ZNF280D: variants seen among roughly 807,000 people sequenced by gnomAD.
ZNF280D encodes the protein zinc finger protein 280D, also known as suppressor of hairy wing homolog 4.
Under a neutral mutation model 94.7 loss-of-function variants are expected in ZNF280D, and 39 were observed. That is an observed-to-expected ratio of 0.41 (90% CI 0.32 to 0.54). ZNF280D has a LOEUF of 0.54. ZNF280D is among the 20% of genes least tolerant of loss of function. The pLI is 0.22. For missense variants in ZNF280D, 1,090 were observed against 1,149.3 expected (o/e 0.95, Z 0.75); for synonymous variants, 398 against 377.6 (o/e 1.05, Z -0.63).
Position 56,654,221 on chromosome 15 carries a change from G to C in ZNF280D, c.2190C>G (p.Ile730Met), listed in dbSNP as rs765723148. ...QVVMQKVSVC[I>M]PTSEHLSELK... is the part of the protein sequence containing the mutation. ...ACTCAGAAAGGTGCTCAGAAGTTGG[G>C]ATACAAACAGAAACTGAAATTAGAA... Residue 730 changes from isoleucine (I) to methionine (M), a missense_variant, in exon 19 of 22, where the codon ATC becomes ATG. Physicochemically the swap from Ile to Met is conservative, Grantham distance 10. Transcript: ENST00000267807. 10 of 1,610,508 alleles carry C rather than the reference G, an allele frequency of 6.2e-6. No homozygotes were observed. Among genetic ancestry groups the C allele is most frequent in the Non-Finnish European group, 7.6e-6 (9 of 1,178,994 alleles).
At chr15:56,719,747 C>T (rs2058245789) in intron 1 of ZNF280D, among the ~76,000 whole-genome samples, 1 of 151,910 alleles carries the variant, frequency 6.6e-6, no homozygotes, top group Non-Finnish European at 1.5e-5. Context: ...GTGAATATTG[C>T]AATAAAGCAA....
chr15:56,709,800 T>C (rs535775251), intron 1 of ZNF280D, among the ~76,000 whole-genome samples: 2 of 152,130 alleles, frequency 1.3e-5, no homozygotes, highest in African/African-American at 4.8e-5. Flanking sequence ...TAGATGGGAA[T>C]TGAACAATGA....
intron 17 of ZNF280D, 111 bp from the exon 18 acceptor site, chr15:56,654,614 TC>T: frequency 1.1e-6 from 1 of 932,176 alleles, no homozygotes; most frequent in Non-Finnish European, 1.6e-6. Flanking sequence ...AACTATAACT[TC>T]CCATTTTTGT....
rs1439433375 is a variant in ZNF280D at position 56,676,682 on chromosome 15, A to G, written c.1398T>C (p.Tyr466=). The G allele has an allele frequency of 1.2e-6, 2 of 1,606,392 alleles. No homozygotes were observed. Among genetic ancestry groups the G allele is most frequent in the Middle Eastern group, 1.7e-4 (1 of 6,006 alleles). ...IKIATPYMHH[Y]MKHQKKGIHR... ...TGGTAAATCTCACCTGATGCTTCATATAATGATGCATATATGGTGTTGCAA... is the reference window on the plus strand; with the variant it reads ...TGGTAAATCTCACCTGATGCTTCATGTAATGATGCATATATGGTGTTGCAA... Residue 466 remains tyrosine, a synonymous_variant, in exon 13 of 22, where the codon TAT becomes TAC. Transcript: ENST00000267807.
intron 1 of ZNF280D, among the ~76,000 whole-genome samples, chr15:56,708,106 C>G (rs1005471047): frequency 6.6e-6 from 1 of 152,008 alleles, no homozygotes; most frequent in Non-Finnish European, 1.5e-5. Context: ...ATCTAAAACA[C>G]TGGAATATAT....
At chr15:56,721,428 A>G (rs1318615670) in intron 1 of ZNF280D, among the ~76,000 whole-genome samples, 1 of 152,210 alleles carries the variant, frequency 6.6e-6, no homozygotes, top group Non-Finnish European at 1.5e-5. Flanking sequence ...CTAGCTATGA[A>G]AGTCCTAGAT....
At chr15:56,730,749 T>A (rs1028452609) in intron 1 of ZNF280D, 5 of 152,270 alleles carry the variant, frequency 3.3e-5, no homozygotes, top group Admixed American at 2.6e-4. Context: ...TAGTATTTCC[T>A]CCAGAATTGT....
intron 20 of ZNF280D, among the ~76,000 whole-genome samples, chr15:56,642,332 A>G (rs1319970451): frequency 6.6e-6 from 1 of 151,768 alleles, no homozygotes; most frequent in Non-Finnish European, 1.5e-5. Flanking sequence ...CAAAGTATTC[A>G]AAAGATAAAT....
chr15:56,732,162 T>C (rs1371954208), intron 1 of ZNF280D, among the ~76,000 whole-genome samples: 2 of 152,188 alleles, frequency 1.3e-5, no homozygotes, highest in African/African-American at 4.8e-5. Context: ...TAAGGTTCTA[T>C]TAATATAATT....
At chr15:56,700,584 T>C (rs2057003277) in intron 6 of ZNF280D, 3 of 1,138,962 alleles carry the variant, frequency 2.6e-6, no homozygotes, top group Non-Finnish European at 3.2e-6. Flanking sequence ...GTCACTTGAC[T>C]GTTTTCCCAA....
chr15:56,679,058 TCAA>T (rs2055439729), intron 10 of ZNF280D, among the ~76,000 whole-genome samples: 1 of 152,194 alleles, frequency 6.6e-6, no homozygotes, highest in Non-Finnish European at 1.5e-5. Context: ...ATCTGAAAGA[TCAA>T]CAATTTGATA....
chr15:56,682,486 G>GAAAAAAA lies in ZNF280D; in HGVS notation c.781-16_781-10dup, dbSNP rs760502258. The GAAAAAAA allele has an allele frequency of 1.3e-4, 64 of 506,922 alleles. No individual in the cohort carries two copies. Among genetic ancestry groups the GAAAAAAA allele is most frequent in the South Asian group, 4.8e-4 (12 of 24,780 alleles). 31.4% of individuals were successfully genotyped at this position (506,922 alleles called of 1,614,324 possible). On this transcript the variant is annotated splice_polypyrimidine_tract_variant and intron_variant, in intron 9 of 21. Transcript: ENST00000267807. ...ATGTCTGGACAACAATACTGAAAGA[G>GAAAAAAA]AAAAAAAAAAAAAAAAAACAAGCCT...
At chr15:56,670,067 C>CATATAT (rs201081844) in intron 13 of ZNF280D, among the ~76,000 whole-genome samples, 9 of 42,844 alleles carry the variant, frequency 2.1e-4, no homozygotes, top group Non-Finnish European at 3.8e-4. Flanking sequence ...TGTTGTTTTA[C>CATATAT]ATATATATAT....
chr15:56,676,903 G>A (rs753964255), intron 12 of ZNF280D, 87 bp from the exon 13 acceptor site: 45 of 1,070,510 alleles, frequency 4.2e-5, no homozygotes, highest in Non-Finnish European at 5.9e-5. Flanking sequence ...AATTTGTCAG[G>A]AGAACATTAT....
chr15:56,645,558 T>C (rs1296860599), intron 19 of ZNF280D, among the ~76,000 whole-genome samples: 1 of 152,148 alleles, frequency 6.6e-6, no homozygotes, highest in African/African-American at 2.4e-5. Flanking sequence ...TTTTGTTTTG[T>C]TTTTGCAGAC....
In ZNF280D at chr15:56,666,731, A is replaced by G; in HGVS notation, c.1801T>C (p.Leu601=). The G allele has an allele frequency of 1.2e-6, 2 of 1,613,220 alleles. No homozygotes were observed. Among genetic ancestry groups the G allele is most frequent in the Middle Eastern group, 1.7e-4 (1 of 6,050 alleles). Residue 601 remains leucine (L), a synonymous_variant, in exon 15 of 22, where the codon TTG becomes CTG. Transcript: ENST00000267807. ...ISNMQKKQST[L]ASSNKKSKVN... ...TTACTTTTTTTATTGCTACTAGCCA[A>G]TGTGCTTTGTTTCTTTTGCATATTA...
At chr15:56,726,421 AAAG>A (rs2058633824) in intron 1 of ZNF280D, among the ~76,000 whole-genome samples, 1 of 152,186 alleles carries the variant, frequency 6.6e-6, no homozygotes, top group Non-Finnish European at 1.5e-5. Flanking sequence ...ATCTTTAAAC[AAAG>A]AAGGGAAAAT....
intron 1 of ZNF280D, among the ~76,000 whole-genome samples, chr15:56,723,235 AAAAT>A (rs146277651): frequency 3.4e-4 from 51 of 150,812 alleles, no homozygotes; most frequent in South Asian, 1.0e-3. Context: ...TAATAATAAA[AAAAT>A]AAATAAATAA....
At chr15:56,724,968 C>T in intron 1 of ZNF280D, 1 of 412,350 alleles carries the variant, frequency 2.4e-6, no homozygotes, top group Non-Finnish European at 4.8e-6. Context: ...TCCTGTATAG[C>T]TGAGAGTCAG....
Sources: allele counts gnomAD v4.1 joint callset (sites outside exome capture counted in the v4.1 genomes callset), GRCh38; gene constraint gnomAD v4.1.1; transcripts MANE v1.5; gene names NCBI Gene and HGNC (gene_info 2026-07-23, HGNC 2026-07-21).